The following PTPN11 variants were observed in gnomAD, a reference collection of about 807,000 sequenced individuals.
PTPN11 encodes the protein protein tyrosine phosphatase non-receptor type 11.
In PTPN11, 6 loss-of-function variants were observed where a neutral mutation model predicts 78.8. The observed-to-expected ratio is 0.08, with a 90% CI of 0.04 to 0.15. The LOEUF (loss-of-function observed/expected upper bound fraction) is 0.15. Among genes scored for constraint, PTPN11 ranks in the 10% least tolerant of loss-of-function variants. PTPN11 has a pLI of 1.00. For missense variants in PTPN11, 386 were observed against 744.8 expected (o/e 0.52, Z 5.61); for synonymous variants, 221 against 263.5 (o/e 0.84, Z 1.56).
At chr12:112,464,131 T>G (rs1448233869) in intron 6 of PTPN11, among the ~76,000 whole-genome samples, 1 of 152,246 alleles carries the variant, frequency 6.6e-6, no homozygotes, top group Non-Finnish European at 1.5e-5. Context: ...ACCAGAGCTC[T>G]AAATTGTAAT....
At chr12:112,483,355 A>G (rs980426393) in intron 10 of PTPN11, among the ~76,000 whole-genome samples, 5 of 152,020 alleles carry the variant, frequency 3.3e-5, no homozygotes, top group African/African-American at 1.2e-4. Flanking sequence ...TGCCCACCCA[A>G]TTGTTAAATT....
intron 1 of PTPN11, among the ~76,000 whole-genome samples, chr12:112,445,099 A>G (rs1333601444): frequency 6.6e-6 from 1 of 152,194 alleles, no homozygotes; most frequent in East Asian, 1.9e-4. Flanking sequence ...AAAAGCACAT[A>G]CACATACACA....
chr12:112,438,253 A>G (rs2037825663), intron 1 of PTPN11, among the ~76,000 whole-genome samples: 1 of 152,040 alleles, frequency 6.6e-6, no homozygotes, highest in Non-Finnish European at 1.5e-5. Context: ...CTTACAGGTA[A>G]TCTGGAAGTT....
intron 1 of PTPN11, among the ~76,000 whole-genome samples, chr12:112,428,651 GA>G (rs11326544): frequency 0.017 from 2,424 of 145,476 alleles, 72 homozygotes; most frequent in African/African-American, 0.056. Context: ...AATACTTTTG[GA>G]AAAAAAAAAG....
rs201766409 is a variant in PTPN11 at position 112,484,922 on chromosome 12, AG to A, written c.1225-1552del. On this transcript the variant is annotated intron_variant, in intron 10 of 15. Coordinates refer to ENST00000351677, the MANE Select transcript of PTPN11 (RefSeq NM_002834.5). ...ATAAAATAAAAAAATTAAAAAAAAA[AG>A]AAGAAGAAAAAAGAGAAAAGTGTCC... is the stretch of plus-strand genomic sequence containing the variant. Among the ~76,000 whole-genome samples the A allele has an allele frequency of 1.2e-3, 184 of 151,736 alleles. 1 individual carries two copies. The highest frequency in any genetic ancestry group is 4.3e-3 in the African/African-American group (178 of 41,310).
rs2135907170 is a variant in PTPN11, at chr12:112,482,310, A to C, written c.1224+105A>C. 7.5e-7 allele frequency: 1 copy of C among 1,330,716 alleles called. No homozygotes were observed. Among genetic ancestry groups the C allele is most frequent in the African/African-American group, 1.4e-5 (1 of 69,052 alleles). The allele number at this position is 1,330,716 out of a possible 1,614,324, so 82.4% of individuals were successfully genotyped here. On this transcript the variant is annotated intron_variant, in intron 10 of 15. Coordinates refer to ENST00000351677, the MANE Select transcript of PTPN11 (RefSeq NM_002834.5). The surrounding 1 kb of genome is among the most constrained non-coding windows in gnomAD (Gnocchi z 4.4). ...TTTGCATACATGCATGCATTCGCTC[A>C]CTCATTGATTCAGTAGCCATTTATT...
chr12:112,430,124 G>GA (rs1177510544), intron 1 of PTPN11, among the ~76,000 whole-genome samples: 5 of 151,438 alleles, frequency 3.3e-5, no homozygotes, highest in Admixed American at 3.3e-4. Flanking sequence ...GAGTTCAAGT[G>GA]ATTCTTGTGC....
chr12:112,507,693 G>A lies in PTPN11; in HGVS notation c.*1901G>A, dbSNP rs1286224337. The A allele has an allele frequency of 6.6e-6, 1 of 152,620 alleles. No individual in the cohort carries two copies. Among genetic ancestry groups the A allele is most frequent in the Non-Finnish European group, 1.5e-5 (1 of 68,048 alleles). The allele number at this position is 152,620 out of a possible 1,614,324, so 9.5% of individuals were successfully genotyped here. On this transcript the variant is annotated 3_prime_UTR_variant, in exon 16 of 16. Transcript: ENST00000351677. ...AGTTGTGGCCTCCTTGGATTCTTCTGACTTTGGCTTCTGAAAGGAAGGCCT... is the reference window on the plus strand; with the variant it reads ...AGTTGTGGCCTCCTTGGATTCTTCTAACTTTGGCTTCTGAAAGGAAGGCCT...
chr12:112,443,783 G>C (rs1206583227), intron 1 of PTPN11, among the ~76,000 whole-genome samples: 2 of 151,510 alleles, frequency 1.3e-5, no homozygotes, highest in African/African-American at 4.9e-5. Context: ...CTCCTTAGTA[G>C]CTGGGACTAT....
At chr12:112,446,146 A>AG in intron 1 of PTPN11, 130 bp from the exon 2 acceptor site, 1 of 1,139,836 alleles carries the variant, frequency 8.8e-7, no homozygotes, top group Non-Finnish European at 1.3e-6. Flanking sequence ...GGGAAGGGAC[A>AG]GGGAAGGTCT....
chr12:112,420,351 CTTT>C (rs760426760), intron 1 of PTPN11, among the ~76,000 whole-genome samples: 1 of 145,426 alleles, frequency 6.9e-6, no homozygotes, highest in Non-Finnish European at 1.5e-5. Context: ...TTCTTTTTTT[CTTT>C]TTTTTTTTGG....
At chr12:112,467,390 G>T (rs2038347094) in intron 6 of PTPN11, among the ~76,000 whole-genome samples, 1 of 152,206 alleles carries the variant, frequency 6.6e-6, no homozygotes, top group African/African-American at 2.4e-5. Context: ...TCTGCTTCTG[G>T]TGAGGGCCTC....
intron 7 of PTPN11, among the ~76,000 whole-genome samples, chr12:112,474,054 A>C (rs1003277410): frequency 2.0e-4 from 31 of 151,766 alleles, no homozygotes; most frequent in Admixed American, 1.8e-3. Context: ...GGTTGATTTT[A>C]CAGTTTTTCT....
chr12:112,489,109 C>T lies in PTPN11; in HGVS notation c.1533C>T (p.Tyr511=), dbSNP rs770457959. 6.2e-7 allele frequency: 1 copy of T among 1,614,154 alleles called. No homozygotes were observed. The highest frequency in any genetic ancestry group is 1.7e-5 in the Admixed American group (1 of 60,020). Residue 511 remains tyrosine (Y), a synonymous_variant, in exon 13 of 16, where the codon TAC becomes TAT. Coordinates refer to ENST00000351677, the MANE Select transcript of PTPN11 (RefSeq NM_002834.5). ...GGATGGTCCAGACAGAAGCACAGTA[C>T]CGATTTATCTATATGGCGGTCCAGC... ...RSGMVQTEAQ[Y]RFIYMAVQHY...
chr12:112,453,653 T>G (rs1351175372), intron 4 of PTPN11, among the ~76,000 whole-genome samples: 1 of 151,740 alleles, frequency 6.6e-6, no homozygotes, highest in African/African-American at 2.4e-5. Context: ...TCTGTTTTTT[T>G]TTTTTTTTTG....
chr12:112,428,774 T>G (rs533366793), intron 1 of PTPN11: 2 of 157,144 alleles, frequency 1.3e-5, no homozygotes, highest in African/African-American at 4.8e-5. Context: ...TGAGACGGAG[T>G]TTAGCTCTTG....
At chr12:112,430,621 A>G (rs541284777) in intron 1 of PTPN11, among the ~76,000 whole-genome samples, 2 of 149,510 alleles carry the variant, frequency 1.3e-5, no homozygotes, top group South Asian at 2.1e-4. Flanking sequence ...TTTTTTTTCT[A>G]GAGATGAGGT....
chr12:112,481,725 C>T (rs1364377402), intron 9 of PTPN11, among the ~76,000 whole-genome samples: 1 of 152,180 alleles, frequency 6.6e-6, no homozygotes, highest in Non-Finnish European at 1.5e-5. Flanking sequence ...CCTCTGGTCT[C>T]AAGTGATCTG....
At chr12:112,442,085 C>A (rs765476453) in intron 1 of PTPN11, among the ~76,000 whole-genome samples, 5 of 152,266 alleles carry the variant, frequency 3.3e-5, no homozygotes, top group Middle Eastern at 3.4e-3. Context: ...CCAAGAATAT[C>A]TTTTTGCTGG....
Sources: gnomAD v4.1 joint callset for allele counts (sites outside exome capture counted in the v4.1 genomes callset) on GRCh38, gnomAD v4.1.1 for gene constraint, Gnocchi (gnomAD v3.1) non-coding constraint, MANE v1.5 for transcripts, NCBI Gene and HGNC (gene_info 2026-07-23, HGNC 2026-07-21) for gene names.